BABAM2: variants seen among roughly 807,000 people sequenced by gnomAD.
BABAM2 encodes the protein BRISC and BRCA1-A complex member 2.
BABAM2 carries 31 observed loss-of-function variants against 54.7 expected under a neutral mutation model. The ratio of observed to expected loss-of-function variants is 0.57; its 90% confidence interval spans 0.43 to 0.77. The LOEUF (loss-of-function observed/expected upper bound fraction) is 0.77. BABAM2 is among the 30% of genes least tolerant of loss of function. The probability of loss-of-function intolerance (pLI) is 0.00; values close to 1 mark genes in which losing one functional copy is unlikely to be tolerated. For missense variants in BABAM2, 364 were observed against 455.8 expected (o/e 0.80, Z 1.83); for synonymous variants, 167 against 162.9 (o/e 1.03, Z -0.19).
intron 7 of BABAM2, among the ~76,000 whole-genome samples, chr2:28,181,047 A>G (rs1392300467): frequency 2.0e-5 from 3 of 152,200 alleles, no homozygotes; most frequent in African/African-American, 7.2e-5. Flanking sequence ...GGAAAACAGT[A>G]TGGAGGTTTC....
At chr2:28,004,753 A>G (rs1290780804) in intron 4 of BABAM2, among the ~76,000 whole-genome samples, 1 of 151,998 alleles carries the variant, frequency 6.6e-6, no homozygotes, top group African/African-American at 2.4e-5. Flanking sequence ...GTGGCGGCAC[A>G]ATCACAGCTC....
chr2:28,134,140 C>T (rs1372469464), intron 7 of BABAM2, among the ~76,000 whole-genome samples: 4 of 144,666 alleles, frequency 2.8e-5, no homozygotes, highest in African/African-American at 5.2e-5. Context: ...AAAACCAATC[C>T]GTTGAATTAG....
intron 10 of BABAM2, among the ~76,000 whole-genome samples, chr2:28,248,041 T>C (rs1683053959): frequency 1.3e-5 from 2 of 152,060 alleles, no homozygotes; most frequent in East Asian, 1.9e-4. Flanking sequence ...TGTAGCAGGA[T>C]CAGAAACTTG....
intron 4 of BABAM2, among the ~76,000 whole-genome samples, chr2:27,997,955 C>T (rs1218529559): frequency 6.6e-6 from 1 of 152,056 alleles, no homozygotes; most frequent in Non-Finnish European, 1.5e-5. Flanking sequence ...GAGTTTGAGA[C>T]AAGCCTGACC....
chr2:28,274,959 G>T (rs1440277433), intron 10 of BABAM2, among the ~76,000 whole-genome samples: 1 of 152,208 alleles, frequency 6.6e-6, no homozygotes, highest in Non-Finnish European at 1.5e-5. Context: ...TAGCTCCACT[G>T]CAGGGGGTGG....
At position 27,991,883 on chromosome 2, in the gene BABAM2, A is replaced by T. The variant is rs77253011; in HGVS notation, c.300+3796A>T. 3.0e-4 allele frequency among the ~76,000 whole-genome samples: 45 copies of T among 152,330 alleles called. No individual in the cohort carries two copies. The East Asian group carries it at 4.8e-3, about 16-fold the overall frequency. ...TCTTGGATATATTTCTAGGAATGGA[A>T]TTGCAGGGTCAAATGGTAACTCTAT... On this transcript the variant is annotated intron_variant, in intron 4 of 11. Transcript: ENST00000379624.
intron 3 of BABAM2, among the ~76,000 whole-genome samples, chr2:27,971,207 A>G (rs1671190300): frequency 6.6e-6 from 1 of 152,090 alleles, no homozygotes; most frequent in South Asian, 2.1e-4. Context: ...TCTTGAATCA[A>G]TACTACAAGC....
At chr2:27,935,829 G>A (rs192226509) in intron 3 of BABAM2, among the ~76,000 whole-genome samples, 23 of 152,352 alleles carry the variant, frequency 1.5e-4, no homozygotes, top group Admixed American at 6.5e-4. Context: ...GGACCCTGCA[G>A]TAGCAAAGAG....
chr2:27,941,505 G>A (rs953068634), intron 3 of BABAM2, among the ~76,000 whole-genome samples: 3 of 151,618 alleles, frequency 2.0e-5, no homozygotes, highest in Non-Finnish European at 2.9e-5. Flanking sequence ...GCAGCTAGCC[G>A]AGATCGCGGC....
At chr2:28,093,830 T>G (rs984037016) in intron 6 of BABAM2, among the ~76,000 whole-genome samples, 2 of 152,172 alleles carry the variant, frequency 1.3e-5, no homozygotes, top group Non-Finnish European at 2.9e-5. Context: ...AAATTAATTG[T>G]TATAATAGTT....
intron 3 of BABAM2, among the ~76,000 whole-genome samples, chr2:27,951,576 G>T (rs1414355951): frequency 6.6e-6 from 1 of 152,274 alleles, no homozygotes; most frequent in South Asian, 2.1e-4. Context: ...ACACTGAAAA[G>T]AATGTGTTCT....
chr2:27,927,473 G>A (rs1667793403), intron 2 of BABAM2, among the ~76,000 whole-genome samples: 1 of 152,050 alleles, frequency 6.6e-6, no homozygotes, highest in South Asian at 2.1e-4. Flanking sequence ...TTGGTTATAG[G>A]GCTCATAACA....
At chr2:28,088,135 A>G (rs1351010388) in intron 6 of BABAM2, among the ~76,000 whole-genome samples, 1 of 152,210 alleles carries the variant, frequency 6.6e-6, no homozygotes, top group African/African-American at 2.4e-5. Context: ...TCTGGCTTAC[A>G]TAGATGTCAT....
At chr2:28,264,971 C>A (rs1472596890) in intron 10 of BABAM2, among the ~76,000 whole-genome samples, 1 of 152,090 alleles carries the variant, frequency 6.6e-6, no homozygotes, top group East Asian at 1.9e-4. Flanking sequence ...TTGAAACAAC[C>A]CAGACTTAAC....
intron 7 of BABAM2, among the ~76,000 whole-genome samples, chr2:28,154,257 A>G (rs986251799): frequency 1.3e-5 from 2 of 152,254 alleles, no homozygotes; most frequent in Non-Finnish European, 2.9e-5. Context: ...TAAACAAAAT[A>G]GGCAACACCT....
chr2:27,955,100 T>C (rs1322455493), intron 3 of BABAM2, among the ~76,000 whole-genome samples: 1 of 152,202 alleles, frequency 6.6e-6, no homozygotes, highest in Non-Finnish European at 1.5e-5. Context: ...GAAATGTAAC[T>C]CTTCCTACAA....
intron 10 of BABAM2, among the ~76,000 whole-genome samples, chr2:28,245,459 C>T (rs921614786): frequency 1.3e-5 from 2 of 152,132 alleles, no homozygotes; most frequent in Non-Finnish European, 2.9e-5. Flanking sequence ...TGTTCTTCTG[C>T]GTAGTAGGCA....
chr2:28,313,144 C>T (rs1459682155), intron 11 of BABAM2, among the ~76,000 whole-genome samples: 1 of 152,230 alleles, frequency 6.6e-6, no homozygotes, highest in Non-Finnish European at 1.5e-5. Context: ...AGGCTGAAGG[C>T]CTCTGTGCCC....
At chr2:27,926,396 T>C (rs1667710245) in intron 2 of BABAM2, among the ~76,000 whole-genome samples, 1 of 152,192 alleles carries the variant, frequency 6.6e-6, no homozygotes, top group Non-Finnish European at 1.5e-5. Flanking sequence ...TGTACCAAGC[T>C]TGTTCCTGCC....
Sources: gnomAD v4.1 joint callset for allele counts (sites outside exome capture counted in the v4.1 genomes callset) on GRCh38, gnomAD v4.1.1 for gene constraint, MANE v1.5 for transcripts, NCBI Gene and HGNC (gene_info 2026-07-23, HGNC 2026-07-21) for gene names.